The following NCOR2 variants were observed in gnomAD, a reference collection of about 807,000 sequenced individuals.
NCOR2 encodes the protein CTG repeat protein 26.
In NCOR2, 81 loss-of-function variants were observed where a neutral mutation model predicts 262.9. That is an observed-to-expected ratio of 0.31 (90% CI 0.26 to 0.37). The LOEUF (loss-of-function observed/expected upper bound fraction) is 0.37, where lower values mean the gene tolerates loss of function less well. NCOR2 is among the 10% of genes least tolerant of loss of function. The pLI is 1.00. For synonymous variants in NCOR2, 1,659 were observed against 1,559.3 expected (o/e 1.06, Z -1.51); for missense variants, 3,385 against 3,621.4 (o/e 0.93, Z 1.68).
Position 124,457,225 on chromosome 12 carries a change from A to G in NCOR2, c.706-63T>C, listed in dbSNP as rs1160066926. On this transcript the variant is annotated intron_variant, in intron 5 of 46. Transcript: ENST00000405201. The surrounding 1 kb of genome is among the most constrained non-coding windows in gnomAD (Gnocchi z 4.0). ...AAACAAAAAAACACAGATTATAAAT[A>G]GAGGCTTCCCGGAGCAGCGGGCACC... 2 of 1,486,868 alleles carry G rather than the reference A, an allele frequency of 1.3e-6. No individual in the cohort carries two copies. Among genetic ancestry groups the G allele is most frequent in the Non-Finnish European group, 1.8e-6 (2 of 1,120,300 alleles). 92.1% of individuals were successfully genotyped at this position (1,486,868 alleles called of 1,614,324 possible).
At position 124,378,142 on chromosome 12, in the gene NCOR2, G is replaced by A. The variant is rs2040163479; in HGVS notation, c.2167+95C>T. On this transcript the variant is annotated intron_variant, in intron 18 of 46. Transcript: ENST00000405201. This position sits in a 1 kb window ranked among gnomAD's most constrained non-coding sequence, Gnocchi z 4.2. Reference sequence around the variant, plus strand: ...TCTAAGGAGGACCCAGATGACTCAGGGGAGAGGAGGCTGCCGGGATCAGTT... The same window carrying A: ...TCTAAGGAGGACCCAGATGACTCAGAGGAGAGGAGGCTGCCGGGATCAGTT... 2.0e-6 allele frequency: 3 copies of A among 1,536,028 alleles called. No homozygotes were observed. The highest frequency in any genetic ancestry group is 1.4e-5 in the African/African-American group (1 of 72,842).
upstream of NCOR2, among the ~76,000 whole-genome samples, chr12:124,499,277 G>A (rs1269942606): frequency 3.3e-5 from 5 of 152,224 alleles, no homozygotes; most frequent in African/African-American, 7.2e-5. Flanking sequence ...AGACACAAAC[G>A]CCCCATGTCG....
At chr12:124,445,581 C>G (rs12231617) in intron 7 of NCOR2, among the ~76,000 whole-genome samples, 16,100 of 152,208 alleles carry the variant, frequency 0.11, 1,007 homozygotes, top group East Asian at 0.19. Context: ...CACCTAGAAG[C>G]AATGACAGCA....
intron 22 of NCOR2, among the ~76,000 whole-genome samples, chr12:124,361,149 G>A (rs1482065889): frequency 4.0e-5 from 6 of 151,584 alleles, no homozygotes; most frequent in African/African-American, 1.5e-4. Flanking sequence ...AAAAGAGAAG[G>A]GGGATGTCAC....
chr12:124,445,609 G>T (rs543603248), intron 7 of NCOR2, among the ~76,000 whole-genome samples: 18 of 152,118 alleles, frequency 1.2e-4, no homozygotes, highest in Non-Finnish European at 2.5e-4. Context: ...CGAGGAGGCC[G>T]TGAGCGCCAG....
exon 47 of NCOR2, chr12:124,324,743 A>G (rs978303153): frequency 6.6e-6 from 1 of 152,540 alleles, no homozygotes; most frequent in Admixed American, 6.5e-5. Flanking sequence ...AAACCAACAC[A>G]TCATTTACAT....
chr12:124,448,406 C>T (rs142549171), intron 7 of NCOR2, among the ~76,000 whole-genome samples: 27 of 152,314 alleles, frequency 1.8e-4, no homozygotes, highest in African/African-American at 5.5e-4. Flanking sequence ...TGAATGAGCC[C>T]GCCAGGCCGA....
At chr12:124,359,492 C>T (rs1476168437) in intron 22 of NCOR2, among the ~76,000 whole-genome samples, 3 of 152,252 alleles carry the variant, frequency 2.0e-5, no homozygotes, top group African/African-American at 4.8e-5. Flanking sequence ...AGGTGGGCAG[C>T]CCACAGGAGG....
rs1332421388 is a variant in NCOR2 at position 124,348,169 on chromosome 12, A to G, written c.3985+5T>C. The G allele has an allele frequency of 1.2e-6, 2 of 1,609,714 alleles. No homozygotes were observed. Among genetic ancestry groups the G allele is most frequent in the East Asian group, 2.2e-5 (1 of 44,838 alleles). On this transcript the variant is annotated splice_donor_5th_base_variant and intron_variant, in intron 29 of 46. Transcript: ENST00000405201. ...CGAGAGATGAAGTCTCCTCCCTGCTATCACCTTCGATGCTGGCTGAGGAGA... is the reference window on the plus strand; with the variant it reads ...CGAGAGATGAAGTCTCCTCCCTGCTGTCACCTTCGATGCTGGCTGAGGAGA...
intron 4 of NCOR2, among the ~76,000 whole-genome samples, chr12:124,471,552 A>T (rs2046835235): frequency 1.3e-5 from 2 of 152,246 alleles, no homozygotes; most frequent in Non-Finnish European, 2.9e-5. Context: ...CAGCAGGGTG[A>T]TGAGACAGAT....
At chr12:124,550,480 C>A (rs1566051907) in intron 1 of NCOR2, among the ~76,000 whole-genome samples, 1 of 152,132 alleles carries the variant, frequency 6.6e-6, no homozygotes, top group Non-Finnish European at 1.5e-5. Context: ...GCTCCTTCCC[C>A]CAGCAGCCAC....
exon 41 of NCOR2, chr12:124,334,452 C>T (rs1406745915): frequency 6.7e-7 from 1 of 1,500,532 alleles, no homozygotes; most frequent in Non-Finnish European, 8.9e-7. Context: ...TGGGGGGAGC[C>T]ACGGGCCGGG....
chr12:124,380,214 G>A (rs1020445659), intron 17 of NCOR2, among the ~76,000 whole-genome samples: 1 of 152,212 alleles, frequency 6.6e-6, no homozygotes, highest in Non-Finnish European at 1.5e-5. Flanking sequence ...GGCCAGGCTG[G>A]AGCTGGGCCT....
At chr12:124,379,197 C>T (rs558109816) in intron 17 of NCOR2, among the ~76,000 whole-genome samples, 6 of 152,204 alleles carry the variant, frequency 3.9e-5, no homozygotes, top group Admixed American at 2.0e-4. Flanking sequence ...GGGAACATGC[C>T]GGGTGTGTCC....
intron 11 of NCOR2, among the ~76,000 whole-genome samples, chr12:124,423,230 G>A (rs2043324521): frequency 6.6e-6 from 1 of 152,198 alleles, no homozygotes; most frequent in African/African-American, 2.4e-5. Context: ...GTGGGGGCGG[G>A]GATGTGGGTC....
intron 20 of NCOR2, among the ~76,000 whole-genome samples, chr12:124,369,512 GC>G (rs1469958187): frequency 1.3e-5 from 2 of 152,046 alleles, no homozygotes; most frequent in African/African-American, 2.4e-5. Context: ...GGCCCTGGCT[GC>G]CAGGGCCTAC....
intron 1 of NCOR2, among the ~76,000 whole-genome samples, chr12:124,492,541 T>C (rs2048144968): frequency 6.6e-6 from 1 of 152,116 alleles, no homozygotes; most frequent in Admixed American, 6.5e-5. Context: ...GGAAGGTCAC[T>C]GAGGCATCCC....
chr12:124,409,370 C>T lies in NCOR2; in HGVS notation c.1483-6809G>A, dbSNP rs1223274015. ...GCCTTTGCACGTGCTGTGCCCACGG[C>T]CTGGGGTGCTCCCCCGACTTCTGCC... On this transcript the variant is annotated intron_variant, in intron 13 of 46. Coordinates refer to ENST00000405201, the Ensembl canonical transcript of NCOR2. Among the ~76,000 whole-genome samples the T allele has an allele frequency of 3.9e-5, 6 of 152,338 alleles. No individual in the cohort carries two copies. In the East Asian group the frequency reaches 1.2e-3, roughly 30 times the overall value.
intron 20 of NCOR2, among the ~76,000 whole-genome samples, chr12:124,366,268 G>A (rs2039029325): frequency 6.6e-6 from 1 of 152,176 alleles, no homozygotes; most frequent in African/African-American, 2.4e-5. Context: ...CAAAAGGCAT[G>A]AGGCTCTGAC....
Sources: gnomAD v4.1 joint callset for allele counts (sites outside exome capture counted in the v4.1 genomes callset) on GRCh38, gnomAD v4.1.1 for gene constraint, Gnocchi (gnomAD v3.1) non-coding constraint, MANE v1.5 for transcripts, NCBI Gene and HGNC (gene_info 2026-07-23, HGNC 2026-07-21) for gene names.